The following NCBP3 variants were observed in gnomAD, a reference collection of about 807,000 sequenced individuals.
NCBP3 encodes the protein nuclear cap binding subunit 3.
NCBP3 carries 20 observed loss-of-function variants against 75.7 expected under a neutral mutation model. The observed-to-expected ratio is 0.26, with a 90% CI of 0.19 to 0.38. The LOEUF (loss-of-function observed/expected upper bound fraction) is 0.38, where lower values mean the gene tolerates loss of function less well. Among genes scored for constraint, NCBP3 ranks in the 10% least tolerant of loss-of-function variants. The pLI, the probability that NCBP3 is intolerant of heterozygous loss-of-function variation, is 1.00. For synonymous variants in NCBP3, 293 were observed against 290.5 expected, an observed-to-expected ratio of 1.01 and a Z score of -0.09; for missense variants, 678 against 796.9, an observed-to-expected ratio of 0.85 and a Z score of 1.80.
At chr17:3,837,530 CGAGGTCAG>C (rs894163960) in intron 3 of NCBP3, among the ~76,000 whole-genome samples, 8 of 149,124 alleles carry the variant, frequency 5.4e-5, no homozygotes, top group South Asian at 2.1e-4. Context: ...GGGTGGATCA[CGAGGTCAG>C]GAGGTCAGGA....
At position 3,812,956 on chromosome 17, in the gene NCBP3, C is replaced by T. The variant is rs542000053; in HGVS notation, c.*88G>A. 61 of 1,569,712 alleles carry T rather than the reference C, an allele frequency of 3.9e-5. No homozygotes were observed. Among genetic ancestry groups the T allele is most frequent in the Non-Finnish European group, 5.1e-5 (59 of 1,159,346 alleles). On this transcript the variant is annotated 3_prime_UTR_variant, in exon 13 of 13. Transcript: ENST00000389005. ...TGTGTGAGCAGGAGCGAGAGGGCGC[C>T]AGCTCCTGCGGGGGAGGTTCCTACT... is the stretch of plus-strand genomic sequence containing the variant.
intron 1 of NCBP3, among the ~76,000 whole-genome samples, chr17:3,845,279 CAT>C (rs1048637764): frequency 4.6e-5 from 7 of 152,134 alleles, no homozygotes; most frequent in Admixed American, 3.3e-4. Context: ...AATATGTTGA[CAT>C]GTGGTCAAAA....
At chr17:3,841,978 A>C (rs1033212248) in intron 2 of NCBP3, among the ~76,000 whole-genome samples, 13 of 152,324 alleles carry the variant, frequency 8.5e-5, no homozygotes, top group Non-Finnish European at 1.5e-4. Flanking sequence ...CATTAAAATC[A>C]GAAAAAATGT....
chr17:3,826,089 T>C lies in NCBP3; in HGVS notation c.608A>G (p.Lys203Arg). The change falls in exon 5 of 13, where the codon AAA (lysine) becomes AGA (arginine). Residue 203 changes from lysine (K) to arginine (R), a missense_variant and splice_region_variant. By Grantham distance (26) the Lys-to-Arg change is conservative. This residue lies in a region of NCBP3 where 98 missense variants were observed against 101.8 expected (regional missense o/e 0.96). Coordinates refer to ENST00000389005, the MANE Select transcript of NCBP3 (RefSeq NM_001114118.3). The stretch of plus-strand genomic sequence containing the variant: ...AGTTCCCTCCTTTGTGTTGTTACCT[T>C]TTTTCCTTTTCTCAGCTGACTTGTC... ...SEDKSAEKRK[K>R]DKQEDSSDDD... 2 of 1,551,124 alleles carry C rather than the reference T, an allele frequency of 1.3e-6. No homozygotes were observed. The highest frequency in any genetic ancestry group is 1.2e-5 in the South Asian group (1 of 84,022).
chr17:3,825,670 A>G, intron 6 of NCBP3, 97 bp downstream of exon 6: 1 of 839,280 alleles, frequency 1.2e-6, no homozygotes, highest in Non-Finnish European at 1.9e-6. Context: ...GGTGAAAGCT[A>G]GAGAAAAAAC....
At chr17:3,843,615 C>T (rs1350691824) in intron 1 of NCBP3, among the ~76,000 whole-genome samples, 3 of 152,236 alleles carry the variant, frequency 2.0e-5, no homozygotes, top group South Asian at 4.1e-4. Context: ...GGCACAAACT[C>T]GGCTCACTGC....
chr17:3,818,466 C>A lies in NCBP3; in HGVS notation c.1107G>T (p.Val369=). The A allele has an allele frequency of 1.2e-6, 2 of 1,614,054 alleles. No homozygotes were observed. Among genetic ancestry groups the A allele is most frequent in the Non-Finnish European group, 1.7e-6 (2 of 1,180,036 alleles). ...EDQDMDADDR[V]VVEYHEELPA... ...GGAGCTCCTCGTGGTACTCTACCAC[C>A]ACTCTGTCATCTGCATCCATGTCCT... Residue 369 remains valine, a synonymous_variant, in exon 10 of 13, where the codon GTG becomes GTT. Transcript: ENST00000389005. This position sits in a 1 kb window ranked among gnomAD's most constrained non-coding sequence, Gnocchi z 4.7.
chr17:3,826,785 A>T (rs1030410178), intron 4 of NCBP3, among the ~76,000 whole-genome samples: 2 of 152,008 alleles, frequency 1.3e-5, no homozygotes, highest in African/African-American at 4.8e-5. Flanking sequence ...AGGCCGAGCC[A>T]GGCGGATCAC....
At position 3,803,685 on chromosome 17, in the gene NCBP3, G is replaced by T. The variant is rs2143605158; in HGVS notation, c.*9359C>A. On this transcript the variant is annotated 3_prime_UTR_variant, in exon 13 of 13. Coordinates refer to ENST00000389005, the MANE Select transcript of NCBP3 (RefSeq NM_001114118.3). ...TGTTCTTTGTTGTACCCTTCAAACT[G>T]CTGTGATTTTGAAATTATTTCAAAA... 1 of 152,280 alleles carries T rather than the reference G, an allele frequency of 6.6e-6. No individual in the cohort carries two copies. The highest frequency in any genetic ancestry group is 2.4e-5 in the African/African-American group (1 of 41,560). The allele number at this position is 152,280 out of a possible 1,614,324, so 9.4% of individuals were successfully genotyped here. A position where few individuals can be genotyped will look rare whatever the true frequency, so the allele number is the denominator to read the frequency against.
In NCBP3 at chr17:3,829,340, G is replaced by A. The variant is rs1004097360; in HGVS notation, c.384C>T (p.Ile128=). The A allele has an allele frequency of 1.1e-5, 17 of 1,551,684 alleles. No individual in the cohort carries two copies. The highest frequency in any genetic ancestry group is 1.5e-5 in the Non-Finnish European group (17 of 1,146,992). The change falls in exon 4 of 13, where the codon ATC becomes ATT. Residue 128 remains isoleucine (I), a synonymous_variant. Transcript: ENST00000389005. ...KAIPKVRLET[I]YICGVDEMST... ...TCATCTCATCTACTCCGCAAATATA[G>A]ATTGTCTCCAGTCTCACCTTGGGGA...
At chr17:3,844,006 G>A (rs2054112849) in intron 1 of NCBP3, among the ~76,000 whole-genome samples, 1 of 152,190 alleles carries the variant, frequency 6.6e-6, no homozygotes, top group Admixed American at 6.5e-5. Context: ...TCAACTCCAA[G>A]TATCCATGTA....
intron 3 of NCBP3, among the ~76,000 whole-genome samples, chr17:3,837,068 A>AATCTGGGAGGCAGAGGTTGC (rs1399022261): frequency 3.4e-4 from 51 of 151,934 alleles, no homozygotes; most frequent in Non-Finnish European, 6.3e-4. Flanking sequence ...GAATCACTTG[A>AATCTGGGAGGCAGAGGTTGC]ATCTGGGAGG....
At chr17:3,837,299 C>T (rs2053990340) in intron 3 of NCBP3, among the ~76,000 whole-genome samples, 2 of 151,952 alleles carry the variant, frequency 1.3e-5, no homozygotes, top group Admixed American at 6.5e-5. Flanking sequence ...GAGTTCAAGA[C>T]CAGCCTGGCC....
rs1169457439 is a variant in NCBP3, at chr17:3,810,318, CAG to C, written c.*2724_*2725del. ...TCACAGGATCAGACTACAAGGGGGC[CAG>C]AGGAGGAGACTACATCCTGAGGACG... On this transcript the variant is annotated 3_prime_UTR_variant, in exon 13 of 13. Transcript: ENST00000389005. 1 of 152,162 alleles carries C rather than the reference CAG, an allele frequency of 6.6e-6. No homozygotes were observed. The highest frequency in any genetic ancestry group is 6.5e-5 in the Admixed American group (1 of 15,268). The allele number at this position is 152,162 out of a possible 1,614,324, so 9.4% of individuals were successfully genotyped here.
chr17:3,843,295 G>A (rs528302159), intron 1 of NCBP3, 144 bp from the exon 2 acceptor site: 2 of 662,644 alleles, frequency 3.0e-6, no homozygotes, highest in Non-Finnish European at 5.2e-6. Context: ...GCCCAGGCCG[G>A]AGTGCAGTAG....
At chr17:3,836,620 T>C (rs1166324638) in intron 3 of NCBP3, among the ~76,000 whole-genome samples, 1 of 134,334 alleles carries the variant, frequency 7.4e-6, no homozygotes. Context: ...GCCACTGCAC[T>C]CCAGCCTAGG....
intron 6 of NCBP3, among the ~76,000 whole-genome samples, chr17:3,825,486 C>T (rs2053767555): frequency 6.6e-6 from 1 of 152,094 alleles, no homozygotes; most frequent in African/African-American, 2.4e-5. Flanking sequence ...GGAAGTATGC[C>T]ATTACTTGCT....
chr17:3,844,256 A>G lies in NCBP3; in HGVS notation c.184-1105T>C, dbSNP rs180916471. Among the ~76,000 whole-genome samples the G allele has an allele frequency of 7.2e-5, 11 of 152,264 alleles. 1 individual carries two copies. In the East Asian group the frequency reaches 2.1e-3, roughly 29 times the overall value. On this transcript the variant is annotated intron_variant, in intron 1 of 12. Coordinates refer to ENST00000389005, the MANE Select transcript of NCBP3 (RefSeq NM_001114118.3). ...TGAAGCCTCAGCTCTGACAGTCACTAATTACAGGACACTGTATAGTTTTCT... is the reference window on the plus strand; with the variant it reads ...TGAAGCCTCAGCTCTGACAGTCACTGATTACAGGACACTGTATAGTTTTCT...
Position 3,818,585 on chromosome 17 carries a change from A to C in NCBP3, c.1001-13T>G, listed in dbSNP as rs749461436. 9.5e-6 allele frequency: 15 copies of C among 1,583,896 alleles called. 1 individual carries two copies. The South Asian group carries it at 1.3e-4, about 14-fold the overall frequency. On this transcript the variant is annotated splice_polypyrimidine_tract_variant and intron_variant, in intron 9 of 12. Transcript: ENST00000389005. The surrounding 1 kb of genome is among the most constrained non-coding windows in gnomAD (Gnocchi z 4.7). ...ACATTCACTAGCCCTGAAGAAATTTAACCAGAAAACATTAGGAAAAGCACT... is the reference window on the plus strand; with the variant it reads ...ACATTCACTAGCCCTGAAGAAATTTCACCAGAAAACATTAGGAAAAGCACT...
Sources: gnomAD v4.1 joint callset for allele counts (sites outside exome capture counted in the v4.1 genomes callset) on GRCh38, gnomAD v4.1.1 for gene constraint, gnomAD v4.1.1 regional missense constraint, Gnocchi (gnomAD v3.1) non-coding constraint, MANE v1.5 for transcripts, NCBI Gene and HGNC (gene_info 2026-07-23, HGNC 2026-07-21) for gene names.